Variants in SLC8A3 observed in about 807,000 individuals in gnomAD.
The protein encoded by SLC8A3 is solute carrier family 8 member A3.
SLC8A3 carries 37 observed loss-of-function variants against 65.4 expected under a neutral mutation model. The observed-to-expected ratio is 0.57, with a 90% CI of 0.44 to 0.74. SLC8A3 has a LOEUF of 0.74. SLC8A3 is among the 30% of genes least tolerant of loss of function. The pLI is 0.00. For synonymous variants in SLC8A3, 461 were observed against 444.5 expected (o/e 1.04, Z -0.47); for missense variants, 1,112 against 1,172.1 (o/e 0.95, Z 0.75).
intron 2 of SLC8A3, among the ~76,000 whole-genome samples, chr14:70,165,093 G>A (rs1286742289): frequency 3.9e-5 from 6 of 152,228 alleles, no homozygotes; most frequent in Non-Finnish European, 5.9e-5. Context: ...CTATGGTTCA[G>A]AAAATCTTAG....
At chr14:70,162,426 C>G (rs1199209893) in intron 2 of SLC8A3, among the ~76,000 whole-genome samples, 2 of 152,178 alleles carry the variant, frequency 1.3e-5, no homozygotes, top group African/African-American at 2.4e-5. Context: ...TACCTTCGAG[C>G]TTTAACATTC....
At chr14:70,088,628 C>T (rs796141215) in intron 2 of SLC8A3, among the ~76,000 whole-genome samples, 5 of 152,264 alleles carry the variant, frequency 3.3e-5, no homozygotes, top group African/African-American at 1.2e-4. Context: ...CTTTTAATAG[C>T]CTCAACCTTT....
intron 3 of SLC8A3, among the ~76,000 whole-genome samples, chr14:70,057,942 C>A (rs1888351634): frequency 1.3e-5 from 2 of 152,172 alleles, no homozygotes; most frequent in South Asian, 4.1e-4. Flanking sequence ...TTCCAATGTC[C>A]AGGCCCAGGC....
chr14:70,063,131 A>T (rs1053817521), intron 2 of SLC8A3, among the ~76,000 whole-genome samples: 3 of 151,978 alleles, frequency 2.0e-5, no homozygotes, highest in African/African-American at 7.3e-5. Flanking sequence ...CACTATTCTA[A>T]CTCTCTGCCT....
At chr14:70,125,764 T>C (rs1314041832) in intron 2 of SLC8A3, among the ~76,000 whole-genome samples, 1 of 152,200 alleles carries the variant, frequency 6.6e-6, no homozygotes, top group Non-Finnish European at 1.5e-5. Context: ...GGGAGCTTTT[T>C]TTTAAAAAAG....
intron 2 of SLC8A3, among the ~76,000 whole-genome samples, chr14:70,154,144 A>G (rs951369528): frequency 4.6e-5 from 7 of 152,248 alleles, no homozygotes; most frequent in African/African-American, 1.7e-4. Flanking sequence ...CTTAAAGAAG[A>G]AACGTAGAAT....
chr14:70,061,385 A>G (rs921267074), intron 2 of SLC8A3, among the ~76,000 whole-genome samples: 1 of 152,202 alleles, frequency 6.6e-6, no homozygotes, highest in Non-Finnish European at 1.5e-5. Flanking sequence ...GGAATAACCC[A>G]GGGTCTTCCC....
intron 2 of SLC8A3, among the ~76,000 whole-genome samples, chr14:70,113,745 G>C (rs956184471): frequency 5.3e-5 from 8 of 152,322 alleles, no homozygotes; most frequent in African/African-American, 1.4e-4. Flanking sequence ...TGCACAGATA[G>C]AGCCAGGATT....
At chr14:70,142,177 C>T (rs1216789163) in intron 2 of SLC8A3, among the ~76,000 whole-genome samples, 2 of 152,232 alleles carry the variant, frequency 1.3e-5, no homozygotes, top group Admixed American at 6.5e-5. Context: ...GGAGGGTGAC[C>T]ATTCAACCAA....
chr14:70,055,886 T>C, intron 3 of SLC8A3: 1 of 1,408,714 alleles, frequency 7.1e-7, no homozygotes. Flanking sequence ...CTTGAAAGTA[T>C]CACCAGGTTT....
chr14:70,159,927 T>C (rs1319350034), intron 2 of SLC8A3, among the ~76,000 whole-genome samples: 1 of 152,214 alleles, frequency 6.6e-6, no homozygotes, highest in Non-Finnish European at 1.5e-5. Flanking sequence ...TCTGCACCTC[T>C]GAGTTTTCTC....
chr14:70,128,769 T>C (rs1250053609), intron 2 of SLC8A3, among the ~76,000 whole-genome samples: 2 of 152,234 alleles, frequency 1.3e-5, no homozygotes, highest in Admixed American at 6.5e-5. Flanking sequence ...CCTGCCTTTG[T>C]TCTTGGCATA....
intron 2 of SLC8A3, among the ~76,000 whole-genome samples, chr14:70,136,054 G>GAATAAATA (rs575816442): frequency 6.6e-6 from 1 of 151,676 alleles, no homozygotes; most frequent in Non-Finnish European, 1.5e-5. Context: ...ATAAATAAAT[G>GAATAAATA]AATAAATAAA....
rs768854044 is a variant in SLC8A3 at position 70,048,909 on chromosome 14, C to T, written c.2247G>A (p.Trp749Ter). 1.2e-6 allele frequency: 2 copies of T among 1,614,198 alleles called. No individual in the cohort carries two copies. The change falls in exon 6 of 7, where the codon TGG becomes TGA. Residue 749 changes from tryptophan (W) to a stop codon, truncating the protein, a stop_gained. Coordinates refer to ENST00000356921, the MANE Select transcript of SLC8A3 (RefSeq NM_182932.3). LOFTEE classifies it high-confidence loss of function. The part of the protein sequence containing the change: ...CVPPTEYCHG[W>*]ACFAVSILII... ...TGAGGATGGAGACGGCGAAGCAGGCCCAGCCGTGGCAGTACTCTGTGGGGG... is the reference window on the plus strand; with the variant it reads ...TGAGGATGGAGACGGCGAAGCAGGCTCAGCCGTGGCAGTACTCTGTGGGGG...
chr14:70,113,294 G>A (rs528759640), intron 2 of SLC8A3, among the ~76,000 whole-genome samples: 94 of 152,266 alleles, frequency 6.2e-4, no homozygotes, highest in African/African-American at 2.1e-3. Flanking sequence ...TGTACAACAG[G>A]TTACTGTACT....
chr14:70,150,884 G>A (rs958497058), intron 2 of SLC8A3, among the ~76,000 whole-genome samples: 10 of 152,134 alleles, frequency 6.6e-5, no homozygotes, highest in African/African-American at 1.2e-4. Context: ...TTCAGCCATC[G>A]AAAAGGTCAA....
At chr14:70,100,716 A>G (rs1311300724) in intron 2 of SLC8A3, among the ~76,000 whole-genome samples, 5 of 152,258 alleles carry the variant, frequency 3.3e-5, no homozygotes, top group African/African-American at 7.2e-5. Context: ...AAGAGGGATT[A>G]TACTTTGCAC....
At chr14:70,185,559 T>C (rs1383555099) in intron 1 of SLC8A3, among the ~76,000 whole-genome samples, 1 of 152,210 alleles carries the variant, frequency 6.6e-6, no homozygotes, top group African/African-American at 2.4e-5. Context: ...TCAGTAAGCA[T>C]ATTCTCCCTT....
intron 2 of SLC8A3, among the ~76,000 whole-genome samples, chr14:70,118,697 G>A (rs1378986463): frequency 6.6e-6 from 1 of 152,144 alleles, no homozygotes; most frequent in African/African-American, 2.4e-5. Context: ...AGCCTCAAAA[G>A]ACATTCCAAG....
Sources: gnomAD v4.1 joint callset for allele counts (sites outside exome capture counted in the v4.1 genomes callset) on GRCh38, gnomAD v4.1.1 for gene constraint, MANE v1.5 for transcripts, NCBI Gene and HGNC (gene_info 2026-07-23, HGNC 2026-07-21) for gene names.